Variants in RIMS1 observed in about 807,000 individuals in gnomAD.
RIMS1 encodes the protein regulating synaptic membrane exocytosis protein 1.
A neutral mutation model predicts 214.1 loss-of-function variants in RIMS1; 83 were observed. The observed-to-expected ratio is 0.39, with a 90% CI of 0.32 to 0.47. RIMS1 has a LOEUF of 0.47. Among genes scored for constraint, RIMS1 ranks in the 20% least tolerant of loss-of-function variants. The pLI is 0.99. For synonymous variants in RIMS1, 793 were observed against 786.8 expected, an observed-to-expected ratio of 1.01 and a Z score of -0.13; for missense variants, 2,050 against 2,161.8, an observed-to-expected ratio of 0.95 and a Z score of 1.03.
At chr6:72,175,357 TA>T (rs746463213) in intron 4 of RIMS1, 14 of 425,222 alleles carry the variant, frequency 3.3e-5, no homozygotes, top group African/African-American at 2.7e-4. Context: ...TGGATTCTTA[TA>T]AGGAAGACAT....
Position 71,910,687 on chromosome 6 carries a change from G to A in RIMS1, c.164+23500G>A, listed in dbSNP as rs146443106. On this transcript the variant is annotated intron_variant, in intron 1 of 33. Coordinates refer to ENST00000521978, the MANE Select transcript of RIMS1 (RefSeq NM_014989.7). ...TTGTTTGTGGAGAACCTTTGCATAC[G>A]TACTGTGTGCCTCTGGCAGAGTGCA... Among the ~76,000 whole-genome samples the A allele has an allele frequency of 1.5e-4, 23 of 152,258 alleles. No individual in the cohort carries two copies. In the East Asian group the frequency reaches 4.1e-3, roughly 27 times the overall value.
At chr6:72,083,127 T>C (rs965570752) in intron 2 of RIMS1, among the ~76,000 whole-genome samples, 2 of 152,150 alleles carry the variant, frequency 1.3e-5, no homozygotes, top group Non-Finnish European at 2.9e-5. Context: ...AGGATACATT[T>C]GATGTATGTA....
intron 6 of RIMS1, among the ~76,000 whole-genome samples, chr6:72,211,265 C>T (rs1411595047): frequency 6.6e-6 from 1 of 152,160 alleles, no homozygotes; most frequent in Non-Finnish European, 1.5e-5. Context: ...GCAGGGCTCA[C>T]ACAGCAGAGT....
intron 2 of RIMS1, among the ~76,000 whole-genome samples, chr6:72,003,650 T>C (rs1306414114): frequency 6.6e-6 from 1 of 151,870 alleles, no homozygotes; most frequent in African/African-American, 2.4e-5. Context: ...GTGTGTGTGA[T>C]AAGAATTTAC....
In RIMS1 at chr6:72,121,917, G is replaced by T. The variant is rs190436603; in HGVS notation, c.471+21931G>T. 3.0e-4 allele frequency among the ~76,000 whole-genome samples: 46 copies of T among 151,950 alleles called. 3 individuals carry two copies. In the East Asian group the frequency reaches 8.3e-3, roughly 27 times the overall value. On this transcript the variant is annotated intron_variant, in intron 4 of 33. Transcript: ENST00000521978. ...CTGCACCTATTGAGATAATCATGTGGTTTTTGTCTTTGGTTCTGTTTATGT... is the reference window on the plus strand; with the variant it reads ...CTGCACCTATTGAGATAATCATGTGTTTTTTGTCTTTGGTTCTGTTTATGT...
chr6:72,151,571 A>G (rs1588120201), intron 4 of RIMS1, among the ~76,000 whole-genome samples: 1 of 152,180 alleles, frequency 6.6e-6, no homozygotes, highest in East Asian at 1.9e-4. Context: ...TGTGTTGTCA[A>G]TAAGTTCTTC....
At chr6:72,090,733 T>C (rs1835982635) in intron 2 of RIMS1, among the ~76,000 whole-genome samples, 1 of 152,222 alleles carries the variant, frequency 6.6e-6, no homozygotes, top group East Asian at 1.9e-4. Flanking sequence ...ACTTTCTAAA[T>C]TGATTATACA....
intron 19 of RIMS1, chr6:72,263,173 A>G (rs2078836611): frequency 3.0e-6 from 3 of 984,540 alleles, no homozygotes. Flanking sequence ...GAAAGTGTCT[A>G]CCTTGAAATT....
chr6:71,992,248 T>C (rs2151615517), intron 2 of RIMS1, among the ~76,000 whole-genome samples: 1 of 152,256 alleles, frequency 6.6e-6, no homozygotes, highest in South Asian at 2.1e-4. Flanking sequence ...GGTGGGGTTT[T>C]CCTGACTGTC....
At chr6:72,358,859 G>GCTAC (rs1172394283) in intron 29 of RIMS1, among the ~76,000 whole-genome samples, 4 of 152,156 alleles carry the variant, frequency 2.6e-5, no homozygotes, top group Non-Finnish European at 5.9e-5. Context: ...CTACCTAGGT[G>GCTAC]CTACCTAAGT....
chr6:71,907,427 G>A (rs1775578065), intron 1 of RIMS1, among the ~76,000 whole-genome samples: 4 of 152,048 alleles, frequency 2.6e-5, no homozygotes, highest in South Asian at 4.1e-4. Context: ...GCATTCCTGA[G>A]TAAATATTTA....
chr6:72,089,282 G>A (rs1057416843), intron 2 of RIMS1, among the ~76,000 whole-genome samples: 2 of 152,082 alleles, frequency 1.3e-5, no homozygotes, highest in South Asian at 2.1e-4. Context: ...GCAGAGCCAC[G>A]ACAACACACT....
chr6:72,100,629 C>CACTATACACCTTCATTTGGTGTAAATT (rs150519019), intron 4 of RIMS1, among the ~76,000 whole-genome samples: 64,878 of 150,150 alleles, frequency 0.43, 15,063 homozygotes, highest in Non-Finnish European at 0.51. Context: ...TTTGTATAAA[C>CACTATACACCTTCATTTGGTGTAAATT]ACTATACACC....
At chr6:72,197,814 A>C (rs2153987877) in intron 6 of RIMS1, among the ~76,000 whole-genome samples, 1 of 152,228 alleles carries the variant, frequency 6.6e-6, no homozygotes, top group East Asian at 1.9e-4. Flanking sequence ...AAGCCCATAC[A>C]GCCATGGGGA....
chr6:72,168,110 C>T (rs953713680), intron 4 of RIMS1, among the ~76,000 whole-genome samples: 2 of 152,052 alleles, frequency 1.3e-5, no homozygotes, highest in Non-Finnish European at 2.9e-5. Flanking sequence ...TGGGGATAGA[C>T]ATGAGGGAAT....
intron 6 of RIMS1, among the ~76,000 whole-genome samples, chr6:72,187,039 T>C (rs945124294): frequency 6.6e-6 from 1 of 152,030 alleles, no homozygotes; most frequent in East Asian, 1.9e-4. Flanking sequence ...CACAGGAGAA[T>C]TGCTTGAACC....
intron 2 of RIMS1, among the ~76,000 whole-genome samples, chr6:72,035,868 A>T (rs1819486736): frequency 1.3e-5 from 2 of 152,310 alleles, no homozygotes; most frequent in African/African-American, 4.8e-5. Flanking sequence ...TATTTATCTC[A>T]GTAATACTTT....
intron 1 of RIMS1, among the ~76,000 whole-genome samples, chr6:71,935,599 T>C (rs1349922406): frequency 6.6e-6 from 1 of 152,200 alleles, no homozygotes; most frequent in Admixed American, 6.5e-5. Flanking sequence ...TATAAATATT[T>C]TCCCTCTGGC....
chr6:72,014,002 C>T (rs1389856093), intron 2 of RIMS1, among the ~76,000 whole-genome samples: 2 of 152,134 alleles, frequency 1.3e-5, no homozygotes, highest in South Asian at 2.1e-4. Context: ...TTATGACTGA[C>T]TTGTTTTCAC....
Sources: allele counts gnomAD v4.1 joint callset (sites outside exome capture counted in the v4.1 genomes callset), GRCh38; gene constraint gnomAD v4.1.1; transcripts MANE v1.5; gene names NCBI Gene and HGNC (gene_info 2026-07-23, HGNC 2026-07-21).